The following TMEM163 variants were observed in gnomAD, a reference collection of about 807,000 sequenced individuals.
TMEM163 encodes the protein transmembrane protein 163.
In TMEM163, 17 loss-of-function variants were observed where a neutral mutation model predicts 29.3. The ratio of observed to expected loss-of-function variants is 0.58; its 90% CI spans 0.40 to 0.87. TMEM163 has a LOEUF of 0.87. TMEM163 is among the 40% of genes least tolerant of loss of function. The pLI, the probability that TMEM163 is intolerant of heterozygous loss-of-function variation, is 0.00. For synonymous variants in TMEM163, 157 were observed against 160.6 expected (o/e 0.98, Z 0.17); for missense variants, 303 against 381.5 (o/e 0.79, Z 1.71).
chr2:134,606,134 C>G (rs1298916135), intron 2 of TMEM163, among the ~76,000 whole-genome samples: 1 of 152,080 alleles, frequency 6.6e-6, no homozygotes, highest in Non-Finnish European at 1.5e-5. Context: ...TTTTTGAATT[C>G]ACTGGTCTCA....
chr2:134,665,546 A>AT (rs1321122571), intron 2 of TMEM163, among the ~76,000 whole-genome samples: 1 of 152,140 alleles, frequency 6.6e-6, no homozygotes, highest in African/African-American at 2.4e-5. Context: ...ATCCCTGGCC[A>AT]TATCTAATGC....
chr2:134,604,717 G>A (rs1280903554), intron 2 of TMEM163, among the ~76,000 whole-genome samples: 2 of 152,138 alleles, frequency 1.3e-5, no homozygotes, highest in South Asian at 4.1e-4. Context: ...CAATAAGAAA[G>A]CAAGCAACCC....
At chr2:134,603,997 T>C (rs1040169879) in intron 2 of TMEM163, among the ~76,000 whole-genome samples, 1 of 152,022 alleles carries the variant, frequency 6.6e-6, no homozygotes, top group Non-Finnish European at 1.5e-5. Flanking sequence ...CTCTCAAAGG[T>C]ACCCTCTCTC....
At chr2:134,568,071 G>T (rs1423317456) in intron 2 of TMEM163, among the ~76,000 whole-genome samples, 3 of 152,212 alleles carry the variant, frequency 2.0e-5, no homozygotes, top group African/African-American at 7.2e-5. Context: ...ATTTATAATA[G>T]AATAAGGTAA....
intron 2 of TMEM163, among the ~76,000 whole-genome samples, chr2:134,666,185 C>T (rs2104862873): frequency 6.6e-6 from 1 of 152,270 alleles, no homozygotes; most frequent in Non-Finnish European, 1.5e-5. Flanking sequence ...CCACCACCTT[C>T]CACCATGGGG....
At chr2:134,674,431 C>A (rs1314835239) in intron 2 of TMEM163, among the ~76,000 whole-genome samples, 1 of 149,916 alleles carries the variant, frequency 6.7e-6, no homozygotes, top group Non-Finnish European at 1.5e-5. Flanking sequence ...GAAACTCCCG[C>A]CTCCCGGGTT....
intron 4 of TMEM163, among the ~76,000 whole-genome samples, chr2:134,511,380 C>T (rs978486837): frequency 1.3e-5 from 2 of 152,168 alleles, no homozygotes; most frequent in African/African-American, 4.8e-5. Flanking sequence ...CTTGCCATTA[C>T]CACAAGGACT....
intron 2 of TMEM163, among the ~76,000 whole-genome samples, chr2:134,700,640 T>C (rs945060811): frequency 6.6e-6 from 1 of 152,194 alleles, no homozygotes; most frequent in African/African-American, 2.4e-5. Flanking sequence ...GGCTCATGCC[T>C]GTAATTCCAG....
intron 2 of TMEM163, among the ~76,000 whole-genome samples, chr2:134,712,435 G>A (rs1453739059): frequency 2.7e-5 from 4 of 148,524 alleles, no homozygotes; most frequent in African/African-American, 5.1e-5. Context: ...TAATAAATTC[G>A]TCACAAAATG....
At chr2:134,588,637 T>C (rs920210643) in intron 2 of TMEM163, among the ~76,000 whole-genome samples, 2 of 152,132 alleles carry the variant, frequency 1.3e-5, no homozygotes, top group East Asian at 3.9e-4. Context: ...GCCTGCTCTA[T>C]ACAAAGAACA....
intron 6 of TMEM163, chr2:134,459,295 C>T (rs1193384359): frequency 1.3e-5 from 2 of 152,366 alleles, no homozygotes; most frequent in African/African-American, 4.8e-5. Context: ...TGCAAGGGCA[C>T]CCCAGGGACT....
chr2:134,638,658 T>C (rs919931417), intron 2 of TMEM163, among the ~76,000 whole-genome samples: 3 of 152,106 alleles, frequency 2.0e-5, no homozygotes, highest in Non-Finnish European at 4.4e-5. Context: ...AAAAATTAAT[T>C]GTTAGTGCCT....
Position 134,603,246 on chromosome 2 carries a change from C to T in TMEM163, c.323-51155G>A, listed in dbSNP as rs186920514. ...TACACTTCTTAATAAGGCTTTTTCC[C>T]TTTATTACCAGGCTCTTCTCTAAAT... On this transcript the variant is annotated intron_variant, in intron 2 of 7. Coordinates refer to ENST00000281924, the MANE Select transcript of TMEM163 (RefSeq NM_030923.5). Among the ~76,000 whole-genome samples the T allele has an allele frequency of 3.2e-4, 48 of 152,276 alleles. 1 individual carries two copies. The highest frequency in any genetic ancestry group is 3.4e-3 in the Middle Eastern group (1 of 292).
At chr2:134,554,640 T>C (rs1005233409) in intron 2 of TMEM163, among the ~76,000 whole-genome samples, 76 of 152,196 alleles carry the variant, frequency 5.0e-4, no homozygotes, top group Admixed American at 2.0e-3. Flanking sequence ...TTGATTATAT[T>C]GAGAAAGACA....
Position 134,500,079 on chromosome 2 carries a change from C to T in TMEM163, c.555+2822G>A, listed in dbSNP as rs143103663. 2.5e-3 allele frequency among the ~76,000 whole-genome samples: 383 copies of T among 152,290 alleles called. 1 individual carries two copies. The highest frequency in any genetic ancestry group is 8.5e-3 in the African/African-American group (354 of 41,556). On this transcript the variant is annotated intron_variant, in intron 5 of 7. Transcript: ENST00000281924. ...ACATGATGATGATGAGTCTTCCGTA[C>T]AGCCCACATTCCAGCATGATATCTC...
intron 4 of TMEM163, among the ~76,000 whole-genome samples, chr2:134,505,006 G>A (rs1452080072): frequency 1.3e-5 from 2 of 152,130 alleles, no homozygotes; most frequent in African/African-American, 2.4e-5. Context: ...GGGACCTGGA[G>A]TAACCATTCC....
intron 3 of TMEM163, among the ~76,000 whole-genome samples, chr2:134,551,382 C>T (rs1201998104): frequency 6.6e-6 from 1 of 152,078 alleles, no homozygotes. Context: ...GTTCTCACAA[C>T]AAAGGGCAGA....
In TMEM163 at chr2:134,550,650, G is replaced by A; in HGVS notation, c.378C>T (p.Ile126=). 6.2e-7 allele frequency: 1 copy of A among 1,614,176 alleles called. No individual in the cohort carries two copies. Among genetic ancestry groups the A allele is most frequent in the Non-Finnish European group, 8.5e-7 (1 of 1,180,012 alleles). ...CAATCGCCGATGACAGGACGTCCAG[G>A]ATGGCATCAAACTAGGAGAAGGAGA... ...ASAFGFAFDA[I]LDVLSSAIVL... The change falls in exon 4 of 8, where the codon ATC becomes ATT. Residue 126 remains isoleucine (I), a synonymous_variant. Coordinates refer to ENST00000281924, the MANE Select transcript of TMEM163 (RefSeq NM_030923.5).
At chr2:134,585,741 C>CA (rs35588366) in intron 2 of TMEM163, among the ~76,000 whole-genome samples, 71,809 of 141,468 alleles carry the variant, frequency 0.51, 19,096 homozygotes, top group East Asian at 0.95. Flanking sequence ...GACTCCGTCT[C>CA]AAAAAAAAAA....
Sources: allele counts gnomAD v4.1 joint callset (sites outside exome capture counted in the v4.1 genomes callset), GRCh38; gene constraint gnomAD v4.1.1; transcripts MANE v1.5; gene names NCBI Gene and HGNC (gene_info 2026-07-23, HGNC 2026-07-21).